The following DNAH3 variants were observed in gnomAD, a reference collection of about 807,000 sequenced individuals.
DNAH3 encodes the protein dynein axonemal heavy chain 3.
In DNAH3, 332 loss-of-function variants were observed where a neutral mutation model predicts 432.5. That is an observed-to-expected ratio of 0.77 (90% CI 0.70 to 0.84). The LOEUF is 0.84. Ranked by LOEUF, DNAH3 falls within the 40% of genes least tolerant of loss-of-function variation. The pLI is 0.00. For missense variants in DNAH3, 4,861 were observed against 5,114.0 expected (o/e 0.95, Z 1.51); for synonymous variants, 1,956 against 1,900.2 (o/e 1.03, Z -0.76).
At chr16:21,121,584 C>A (rs936050694) in intron 10 of DNAH3, among the ~76,000 whole-genome samples, 5 of 138,690 alleles carry the variant, frequency 3.6e-5, no homozygotes, top group Non-Finnish European at 7.9e-5. Flanking sequence ...CAAAGTAGGT[C>A]TTTTTTTTTT....
intron 47 of DNAH3, among the ~76,000 whole-genome samples, chr16:20,986,021 AATTTTTGT>A (rs2086177210): frequency 2.0e-5 from 3 of 151,684 alleles, no homozygotes; most frequent in African/African-American, 7.3e-5. Context: ...ATGCCTGGCT[AATTTTTGT>A]ATTTTTGTAG....
At chr16:21,100,998 A>AAC (rs1200460216) in intron 16 of DNAH3, among the ~76,000 whole-genome samples, 4 of 152,148 alleles carry the variant, frequency 2.6e-5, no homozygotes, top group Non-Finnish European at 5.9e-5. Flanking sequence ...ATGTCCCCAC[A>AAC]ACACACACAC....
At chr16:20,957,848 A>G (rs12930334) in intron 54 of DNAH3, among the ~76,000 whole-genome samples, 10,939 of 133,268 alleles carry the variant, frequency 0.082, 625 homozygotes, top group East Asian at 0.17. Context: ...AAAAAAAAAA[A>G]AGAGAATCCC....
intron 31 of DNAH3, among the ~76,000 whole-genome samples, chr16:21,048,668 G>A (rs2089824605): frequency 6.6e-6 from 1 of 151,782 alleles, no homozygotes; most frequent in Non-Finnish European, 1.5e-5. Flanking sequence ...CTGTAGACCG[G>A]AGCTGTTCCT....
At chr16:21,147,285 T>A (rs1379430940) in intron 1 of DNAH3, among the ~76,000 whole-genome samples, 1 of 151,730 alleles carries the variant, frequency 6.6e-6, no homozygotes, top group Non-Finnish European at 1.5e-5. Flanking sequence ...AATGGTACGA[T>A]CTTAGCTCAC....
chr16:20,954,450 C>T (rs186625841), intron 55 of DNAH3, among the ~76,000 whole-genome samples: 133 of 151,604 alleles, frequency 8.8e-4, no homozygotes, highest in Non-Finnish European at 9.9e-4. Context: ...CCACCACACC[C>T]GGCTAATTTT....
intron 8 of DNAH3, 21 bp from the exon 10 acceptor site, chr16:21,125,391 C>T (rs2092426862): frequency 1.3e-6 from 2 of 1,554,330 alleles, no homozygotes; most frequent in African/African-American, 1.4e-5. Flanking sequence ...AGAAGGGTGT[C>T]CATGTGAGAA....
chr16:20,937,771 C>G (rs1431721146), intron 59 of DNAH3, among the ~76,000 whole-genome samples: 3 of 151,994 alleles, frequency 2.0e-5, no homozygotes, highest in African/African-American at 7.2e-5. Context: ...AGTAATCCTC[C>G]CACCTCAGCC....
chr16:20,977,908 C>T (rs1002413611), intron 50 of DNAH3, among the ~76,000 whole-genome samples: 1 of 152,198 alleles, frequency 6.6e-6, no homozygotes, highest in Non-Finnish European at 1.5e-5. Context: ...TCTCTAAAAA[C>T]CAACCACTCA....
chr16:21,113,902 C>T (rs918464457), intron 12 of DNAH3, among the ~76,000 whole-genome samples: 1 of 152,198 alleles, frequency 6.6e-6, no homozygotes, highest in African/African-American at 2.4e-5. Context: ...ATAGTCCCTC[C>T]TTACCCTTGG....
chr16:20,959,852 A>T (rs1219635945), intron 53 of DNAH3, among the ~76,000 whole-genome samples: 1 of 152,178 alleles, frequency 6.6e-6, no homozygotes, highest in Non-Finnish European at 1.5e-5. Context: ...ATCTGAACTG[A>T]AAAGAAACAA....
intron 36 of DNAH3, among the ~76,000 whole-genome samples, chr16:21,033,177 G>A (rs2088977742): frequency 6.6e-6 from 1 of 151,994 alleles, no homozygotes; most frequent in East Asian, 1.9e-4. Flanking sequence ...AGTTATTAAG[G>A]CTAGGATAAC....
intron 1 of DNAH3, among the ~76,000 whole-genome samples, chr16:21,153,809 G>A (rs1373612701): frequency 6.6e-6 from 1 of 152,188 alleles, no homozygotes. Flanking sequence ...GTGAGACCAA[G>A]AACCTACGAA....
intron 18 of DNAH3, among the ~76,000 whole-genome samples, chr16:21,094,816 C>T (rs894588588): frequency 2.0e-5 from 3 of 152,010 alleles, no homozygotes; most frequent in African/African-American, 7.3e-5. Context: ...ATCATGGGGT[C>T]GAGTTTTCCC....
At chr16:21,072,528 T>C (rs1231375738) in intron 21 of DNAH3, among the ~76,000 whole-genome samples, 2 of 152,062 alleles carry the variant, frequency 1.3e-5, no homozygotes, top group Non-Finnish European at 2.9e-5. Context: ...GGTTTCACCA[T>C]GTTGGCAAGG....
At chr16:21,010,893 T>G (rs1000757794) in intron 41 of DNAH3, among the ~76,000 whole-genome samples, 1 of 151,062 alleles carries the variant, frequency 6.6e-6, no homozygotes, top group Non-Finnish European at 1.5e-5. Context: ...AACCTGTTTT[T>G]TTTTTTTTGT....
intron 1 of DNAH3, chr16:21,158,566 G>T (rs2092916687): frequency 6.6e-6 from 1 of 152,338 alleles, no homozygotes; most frequent in African/African-American, 2.4e-5. Flanking sequence ...GGATCCTTCC[G>T]GCCACGGGCG....
At position 21,019,593 on chromosome 16, in the gene DNAH3, A is replaced by G. The variant is rs201491835; in HGVS notation, c.6022+31T>C. On this transcript the variant is annotated intron_variant, in intron 41 of 61. Transcript: ENST00000261383. ...TAGAACACGTAATTCCAACTATTAT[A>G]CTAGAACATAACAAACAGGTTCTAA... is the stretch of plus-strand genomic sequence containing the variant. 410 of 1,612,268 alleles carry G rather than the reference A, an allele frequency of 2.5e-4. 1 individual carries two copies. The highest frequency in any genetic ancestry group is 2.8e-4 in the Admixed American group (17 of 59,886).
At chr16:21,025,650 T>C (rs2088512727) in intron 38 of DNAH3, among the ~76,000 whole-genome samples, 1 of 151,892 alleles carries the variant, frequency 6.6e-6, no homozygotes, top group Admixed American at 6.6e-5. Context: ...TGCATGTCAG[T>C]GCAGTTCTTT....
Sources: gnomAD v4.1 joint callset for allele counts (sites outside exome capture counted in the v4.1 genomes callset) on GRCh38, gnomAD v4.1.1 for gene constraint, MANE v1.5 for transcripts, NCBI Gene and HGNC (gene_info 2026-07-23, HGNC 2026-07-21) for gene names.